Variants in VSIG8 observed in about 807,000 individuals in gnomAD.
The protein encoded by VSIG8 is V-set and immunoglobulin domain-containing protein 8.
In VSIG8, 32 loss-of-function variants were observed where a neutral mutation model predicts 42.6. The observed-to-expected ratio is 0.75, with a 90% CI of 0.57 to 1.01. The LOEUF is 1.01. VSIG8 is among the 50% of genes least tolerant of loss of function. The pLI is 0.00. For missense variants in VSIG8, 529 were observed against 558.0 expected (o/e 0.95, Z 0.52); for synonymous variants, 290 against 243.8 (o/e 1.19, Z -1.77).
At position 159,854,964 on chromosome 1, in the gene VSIG8, A is replaced by T. The variant is rs1648760310; in HGVS notation, c.1034T>A (p.Leu345Gln). The T allele has an allele frequency of 6.5e-7, 1 of 1,548,070 alleles. No individual in the cohort carries two copies. The highest frequency in any genetic ancestry group is 8.7e-7 in the Non-Finnish European group (1 of 1,154,188). ...SGRGSRVTHL[L>Q]GYPTQNVSRS... ...GCTGACGTTCTGCGTCGGGTACCCC[A>T]GGAGGTGGGTGACGCGGCTGCCGCG... The change falls in exon 7 of 7, where the codon CTG becomes CAG. Residue 345 changes from leucine to glutamine, a missense_variant. Transcript: ENST00000368100.
In VSIG8 at chr1:159,854,806, G is replaced by A. The variant is rs1201131004; in HGVS notation, c.1192C>T (p.Pro398Ser). 6.6e-7 allele frequency: 1 copy of A among 1,504,216 alleles called. No homozygotes were observed. Among genetic ancestry groups the A allele is most frequent in the Non-Finnish European group, 8.8e-7 (1 of 1,133,932 alleles). 93.2% of individuals were successfully genotyped at this position (1,504,216 alleles called of 1,614,324 possible). A position where few individuals can be genotyped will look rare whatever the true frequency, so the allele number is the denominator to read the frequency against. ...PVYVKVKSAE[P>S]ADCAEGPVQC... Reference sequence around the variant, plus strand: ...ACCGGCCCCTCGGCGCAGTCAGCCGGCTCCGCGCTCTTGACCTTGACGTAG... The same window carrying A: ...ACCGGCCCCTCGGCGCAGTCAGCCGACTCCGCGCTCTTGACCTTGACGTAG... Residue 398 changes from proline to serine, a missense_variant, in exon 7 of 7, where the codon CCG becomes TCG. By Grantham distance (74) the Pro-to-Ser change is moderately conservative (BLOSUM62 -1). Coordinates refer to ENST00000368100, the MANE Select transcript of VSIG8 (RefSeq NM_001013661.1).
chr1:159,857,866 G>A lies in VSIG8; in HGVS notation c.531C>T (p.Ser177=). The A allele has an allele frequency of 1.9e-6, 3 of 1,614,248 alleles. No individual in the cohort carries two copies. Among genetic ancestry groups the A allele is most frequent in the South Asian group, 1.1e-5 (1 of 91,090 alleles). The part of the protein sequence containing the change: ...CYASGGSQPL[S]YKWAKISGHH... ...GCCCACTGATCTTGGCCCACTTGTAGGAGAGGGGCTGGGAGCCCCCACTGG... is the reference window on the plus strand; with the variant it reads ...GCCCACTGATCTTGGCCCACTTGTAAGAGAGGGGCTGGGAGCCCCCACTGG... Residue 177 remains serine, a synonymous_variant, in exon 4 of 7, where the codon TCC becomes TCT. Transcript: ENST00000368100.
Position 159,856,152 on chromosome 1 carries a change from A to G in VSIG8, c.773-71T>C, listed in dbSNP as rs571112019. ...AGGTGCCTGAGGGAACAGCACCAGGAGGTGCCAGGTCAGGGGTTAATGGGA... is the reference window on the plus strand; with the variant it reads ...AGGTGCCTGAGGGAACAGCACCAGGGGGTGCCAGGTCAGGGGTTAATGGGA... On this transcript the variant is annotated intron_variant, in intron 5 of 6. Coordinates refer to ENST00000368100, the MANE Select transcript of VSIG8 (RefSeq NM_001013661.1). 9.5e-6 allele frequency: 14 copies of G among 1,475,938 alleles called. No homozygotes were observed. The Admixed American group carries it at 1.2e-4, about 12-fold the overall frequency. 91.4% of individuals were successfully genotyped at this position (1,475,938 alleles called of 1,614,324 possible).
chr1:159,859,605 G>A (rs1405258064), intron 1 of VSIG8, among the ~76,000 whole-genome samples: 5 of 152,204 alleles, frequency 3.3e-5, no homozygotes, highest in South Asian at 2.1e-4. Flanking sequence ...GTGACAGTGT[G>A]TGCTTGTGCA....
chr1:159,856,200 G>GTCCC, intron 5 of VSIG8, 119 bp from the exon 6 acceptor site: 1 of 1,046,538 alleles, frequency 9.6e-7, no homozygotes, highest in Non-Finnish European at 1.4e-6. Context: ...GACCCAGGGG[G>GTCCC]TCTCTTAGCC....
intron 2 of VSIG8, among the ~76,000 whole-genome samples, 162 bp downstream of exon 2, chr1:159,858,572 C>A (rs1648919839): frequency 6.6e-6 from 1 of 152,216 alleles, no homozygotes; most frequent in Non-Finnish European, 1.5e-5. Context: ...GACTGACTGG[C>A]TAGCTTAATT....
intron 1 of VSIG8, chr1:159,861,093 T>C (rs1361505143): frequency 6.6e-6 from 1 of 152,196 alleles, no homozygotes; most frequent in Non-Finnish European, 1.5e-5. Flanking sequence ...AAGGAAGTAC[T>C]ACAGGGAATG....
Position 159,858,118 on chromosome 1 carries a change from G to A in VSIG8, c.402C>T (p.Ala134=). 6.2e-7 allele frequency: 1 copy of A among 1,614,206 alleles called. No homozygotes were observed. Among genetic ancestry groups the A allele is most frequent in the Non-Finnish European group, 8.5e-7 (1 of 1,180,038 alleles). The change falls in exon 3 of 7, where the codon GCC becomes GCT. Residue 134 remains alanine (A), a synonymous_variant. Transcript: ENST00000368100. ...GGACAGTGACAATGACCTTCCGGGTGGCCATGGTGGTCTTCTTCACCCGGC... is the reference window on the plus strand; with the variant it reads ...GGACAGTGACAATGACCTTCCGGGTAGCCATGGTGGTCTTCTTCACCCGGC... ...YECRVKKTTM[A]TRKVIVTVQA...
chr1:159,860,478 G>A (rs572965883), intron 1 of VSIG8, among the ~76,000 whole-genome samples: 1 of 152,330 alleles, frequency 6.6e-6, no homozygotes, highest in Admixed American at 6.5e-5. Context: ...AGAGAGGCCA[G>A]CAAGGGCCCT....
chr1:159,856,471 C>G, intron 5 of VSIG8, 53 bp downstream of exon 5: 1 of 1,604,384 alleles, frequency 6.2e-7, no homozygotes, highest in Non-Finnish European at 8.5e-7. Context: ...AGAGCCCAGC[C>G]TCCTCCAGTT....
At chr1:159,855,201 G>A (rs544335025) in intron 6 of VSIG8, 175 bp from the exon 7 acceptor site, 45 of 1,551,604 alleles carry the variant, frequency 2.9e-5, no homozygotes, top group Non-Finnish European at 3.9e-5. Context: ...TTCCTGGGTC[G>A]GCGACCCTGC....
Position 159,854,915 on chromosome 1 carries a change from C to A in VSIG8, c.1083G>T (p.Ala361=), listed in dbSNP as rs1212751398. ...CCTCGGGGCCGCCGCAGGGGGGAGG[C>A]GCGTACTTGCGGCGCAGGGAGCGGC... ...NVSRSLRRKY[A]PPPCGGPEDV... Residue 361 remains alanine (A), a synonymous_variant, in exon 7 of 7, where the codon GCG becomes GCT. Transcript: ENST00000368100. 10 of 1,497,356 alleles carry A rather than the reference C, an allele frequency of 6.7e-6. No homozygotes were observed. Among genetic ancestry groups the A allele is most frequent in the Non-Finnish European group, 2.7e-6 (3 of 1,130,970 alleles). 92.8% of individuals were successfully genotyped at this position (1,497,356 alleles called of 1,614,324 possible).
At position 159,862,571 on chromosome 1, in the gene VSIG8, C is replaced by A; in HGVS notation, c.-50G>T. 1 of 1,449,732 alleles carries A rather than the reference C, an allele frequency of 6.9e-7. No individual in the cohort carries two copies. The highest frequency in any genetic ancestry group is 1.2e-5 in the South Asian group (1 of 85,894). The allele number at this position is 1,449,732 out of a possible 1,614,324, so 89.8% of individuals were successfully genotyped here. Reference sequence around the variant, plus strand: ...GTCTGGGCTGGGTATCCCGTGGGGTCGTAGTGGTGGGTGTGAGGGGGTAGG... The same window carrying A: ...GTCTGGGCTGGGTATCCCGTGGGGTAGTAGTGGTGGGTGTGAGGGGGTAGG... On this transcript the variant is annotated 5_prime_UTR_variant, in exon 1 of 7. Coordinates refer to ENST00000368100, the MANE Select transcript of VSIG8 (RefSeq NM_001013661.1).
At chr1:159,855,232 C>T (rs1387072082) in intron 6 of VSIG8, 1 of 1,551,618 alleles carries the variant, frequency 6.4e-7, no homozygotes, top group Non-Finnish European at 8.7e-7. Context: ...GAGCCAGCAT[C>T]CCCATCCTCC....
rs771456342 is a variant in VSIG8 at position 159,855,906 on chromosome 1, G to T, written c.948C>A (p.Cys316Ter). The T allele has an allele frequency of 5.8e-6, 9 of 1,554,106 alleles. No homozygotes were observed. The highest frequency in any genetic ancestry group is 6.1e-6 in the Non-Finnish European group (7 of 1,153,246). ...GNGGGVGGGA[C>*]GDLASEIRED... ...ACCTGATCTCACTAGCCAAGTCGCC[G>T]CAGGCCCCTCCGCCGACCCCGCCGC... Residue 316 changes from cysteine (C) to a stop codon, truncating the protein, a stop_gained, in exon 6 of 7, where the codon TGC (cysteine) becomes TGA (stop). Transcript: ENST00000368100. LOFTEE classifies it high-confidence loss of function.
At chr1:159,858,671 G>T (rs1648922321) in intron 2 of VSIG8, 63 bp downstream of exon 2, 3 of 1,531,152 alleles carry the variant, frequency 2.0e-6, no homozygotes, top group Admixed American at 4.1e-5. Flanking sequence ...TTGGGATGTT[G>T]GCTGTCCAAC....
At position 159,856,581 on chromosome 1, in the gene VSIG8, A is replaced by G; in HGVS notation, c.715T>C (p.Cys239Arg). ...ISRADDGLYQ[C>R]TVANNVGYSV... is the part of the protein sequence containing the mutation. The stretch of plus-strand genomic sequence containing the variant: ...TAGCCCACGTTGTTGGCCACTGTGC[A>G]CTGATACAGCCCATCATCTGCTCTG... The change falls in exon 5 of 7, where the codon TGC becomes CGC. Residue 239 changes from cysteine (C) to arginine (R), a missense_variant. Transcript: ENST00000368100. 2 of 1,614,132 alleles carry G rather than the reference A, an allele frequency of 1.2e-6. No individual in the cohort carries two copies. Among genetic ancestry groups the G allele is most frequent in the Non-Finnish European group, 1.7e-6 (2 of 1,180,004 alleles).
chr1:159,862,151 C>A, intron 1 of VSIG8: 1 of 329,206 alleles, frequency 3.0e-6, no homozygotes. Flanking sequence ...ACCTCCAGCT[C>A]CTGCAGAGCA....
chr1:159,854,647 C>A lies in VSIG8; in HGVS notation c.*106G>T. 7.4e-7 allele frequency: 1 copy of A among 1,346,976 alleles called. No homozygotes were observed. The highest frequency in any genetic ancestry group is 9.5e-7 in the Non-Finnish European group (1 of 1,054,760). The allele number at this position is 1,346,976 out of a possible 1,614,324, so 83.4% of individuals were successfully genotyped here. ...GCCTTCACCCCCAGCCGCCTGGCAG[C>A]CTGGGGCGAGCGAGGTCGTCCCCAG... On this transcript the variant is annotated 3_prime_UTR_variant, in exon 7 of 7. Coordinates refer to ENST00000368100, the MANE Select transcript of VSIG8 (RefSeq NM_001013661.1).
Sources: gnomAD v4.1 joint callset for allele counts (sites outside exome capture counted in the v4.1 genomes callset) on GRCh38, gnomAD v4.1.1 for gene constraint, MANE v1.5 for transcripts, NCBI Gene and HGNC (gene_info 2026-07-23, HGNC 2026-07-21) for gene names.